Variants in TRPM3 observed in about 807,000 individuals in gnomAD.
TRPM3 encodes the protein transient receptor potential cation channel subfamily M member 3, also known as long transient receptor potential channel 3.
TRPM3 carries 77 observed loss-of-function variants against 181.2 expected under a neutral mutation model. The ratio of observed to expected loss-of-function variants is 0.42; its 90% confidence interval spans 0.35 to 0.51. TRPM3 has a LOEUF of 0.51. TRPM3 is among the 20% of genes least tolerant of loss of function. The pLI, the probability that TRPM3 is intolerant of heterozygous loss-of-function variation, is 0.01. For synonymous variants in TRPM3, 745 were observed against 796.4 expected, an observed-to-expected ratio of 0.94 and a Z score of 1.09; for missense variants, 1,759 against 2,196.7, an observed-to-expected ratio of 0.80 and a Z score of 3.98.
intron 1 of TRPM3, among the ~76,000 whole-genome samples, chr9:71,161,787 A>C (rs1350545327): frequency 6.6e-6 from 1 of 152,168 alleles, no homozygotes; most frequent in African/African-American, 2.4e-5. Flanking sequence ...ACCTATGTCA[A>C]AAGGAGAGTC....
At chr9:70,678,799 A>G (rs116612626) in intron 9 of TRPM3, among the ~76,000 whole-genome samples, 1,781 of 152,366 alleles carry the variant, frequency 0.012, 38 homozygotes, top group African/African-American at 0.04. Context: ...ATTCAAAAAA[A>G]GTAGGAAGAA....
At chr9:71,343,073 G>C (rs1225300063) in intron 1 of TRPM3, among the ~76,000 whole-genome samples, 1 of 151,986 alleles carries the variant, frequency 6.6e-6, no homozygotes, top group Non-Finnish European at 1.5e-5. Context: ...GAATTATATA[G>C]GTTTTCTATA....
chr9:70,642,722 T>A (rs1260966339), intron 9 of TRPM3, among the ~76,000 whole-genome samples: 1 of 152,368 alleles, frequency 6.6e-6, no homozygotes, highest in East Asian at 1.9e-4. Context: ...GGCTCTGAGA[T>A]ACTGACGTTA....
At chr9:70,893,951 G>A (rs10868925) in intron 1 of TRPM3, among the ~76,000 whole-genome samples, 114,339 of 152,068 alleles carry the variant, frequency 0.75, 43,173 homozygotes, top group Middle Eastern at 0.85. Flanking sequence ...ACTGGAAAAT[G>A]CCAAAAGTTA....
At chr9:71,222,582 C>G (rs2080304414) in intron 1 of TRPM3, among the ~76,000 whole-genome samples, 1 of 152,190 alleles carries the variant, frequency 6.6e-6, no homozygotes, top group Non-Finnish European at 1.5e-5. Flanking sequence ...CAAAAAAGCA[C>G]CCTTCTAAGA....
chr9:70,876,052 A>G (rs1224091192), intron 1 of TRPM3, among the ~76,000 whole-genome samples: 2 of 151,836 alleles, frequency 1.3e-5, no homozygotes, highest in Non-Finnish European at 2.9e-5. Context: ...AAGGGTAAAA[A>G]TATCATAAGC....
chr9:70,649,609 T>C (rs1324870954), intron 9 of TRPM3, among the ~76,000 whole-genome samples: 1 of 152,134 alleles, frequency 6.6e-6, no homozygotes, highest in Non-Finnish European at 1.5e-5. Flanking sequence ...TCTGAAGCCA[T>C]TCAGAATGGC....
Position 71,397,166 on chromosome 9 carries a change from T to C in TRPM3, c.183+49487A>G, listed in dbSNP as rs545661291. On this transcript the variant is annotated intron_variant, in intron 1 of 24. Transcript: ENST00000357533. ...GAATAAAACCATGGTTTTCCAATAA[T>C]AAAATATATTTCCATTTAGATAAAG... Among the ~76,000 whole-genome samples the C allele has an allele frequency of 3.1e-4, 47 of 152,256 alleles. 1 individual carries two copies. The highest frequency in any genetic ancestry group is 1.1e-3 in the African/African-American group (44 of 41,568).
intron 1 of TRPM3, among the ~76,000 whole-genome samples, chr9:71,334,814 A>T (rs536030100): frequency 6.6e-6 from 1 of 152,232 alleles, no homozygotes; most frequent in Admixed American, 6.5e-5. Context: ...TTTTTACAGT[A>T]ATGATGCTGG....
At chr9:71,268,925 T>G (rs2083581627) in intron 1 of TRPM3, among the ~76,000 whole-genome samples, 1 of 152,070 alleles carries the variant, frequency 6.6e-6, no homozygotes, top group Admixed American at 6.6e-5. Context: ...GAAATGTAAG[T>G]TCATGAGAGG....
intron 1 of TRPM3, among the ~76,000 whole-genome samples, chr9:71,133,590 G>A (rs770895320): frequency 8.3e-4 from 127 of 152,124 alleles, no homozygotes; most frequent in Non-Finnish European, 1.3e-3. Flanking sequence ...GAGCCACTGC[G>A]CCCGGCTGCT....
At chr9:71,253,449 C>G (rs984961656) in intron 1 of TRPM3, among the ~76,000 whole-genome samples, 1 of 152,096 alleles carries the variant, frequency 6.6e-6, no homozygotes, top group African/African-American at 2.4e-5. Context: ...ATGCTGCTAA[C>G]CATCATAACA....
intron 1 of TRPM3, among the ~76,000 whole-genome samples, chr9:71,069,684 C>T (rs1233523725): frequency 6.7e-6 from 1 of 149,708 alleles, no homozygotes. Flanking sequence ...TCTTGGCTCA[C>T]CACAACCTCT....
rs368195393 is a variant in TRPM3 at position 71,096,178 on chromosome 9, G to GA, written c.177+24999dup. Among the ~76,000 whole-genome samples, 342 of 150,356 alleles carry GA rather than the reference G, an allele frequency of 2.3e-3. 2 individuals are homozygous for GA. Among genetic ancestry groups the GA allele is most frequent in the African/African-American group, 8.1e-3 (332 of 40,860 alleles). ...CCATCTTAAAATAGACCAGTGATCA[G>GA]AAAAAAAATGTAAATTCAGAACAAT... is the stretch of plus-strand genomic sequence containing the variant. On this transcript the variant is annotated intron_variant, in intron 1 of 25. Transcript: ENST00000677713.
chr9:70,782,370 C>T (rs1216842558), intron 7 of TRPM3, among the ~76,000 whole-genome samples: 1 of 152,088 alleles, frequency 6.6e-6, no homozygotes. Flanking sequence ...TGCCACCACA[C>T]CTGGCTAATT....
At chr9:71,277,873 A>T (rs183474140) in intron 1 of TRPM3, among the ~76,000 whole-genome samples, 1 of 149,678 alleles carries the variant, frequency 6.7e-6, no homozygotes, top group East Asian at 1.9e-4. Context: ...AAGAGGATGC[A>T]GAGACAAAGT....
chr9:70,542,356 A>G (rs1323677718), intron 25 of TRPM3, among the ~76,000 whole-genome samples: 1 of 152,218 alleles, frequency 6.6e-6, no homozygotes, highest in Non-Finnish European at 1.5e-5. Flanking sequence ...AAGAGATGCT[A>G]TGAGAGGAAC....
chr9:71,428,654 C>A (rs573965809), intron 1 of TRPM3, among the ~76,000 whole-genome samples: 1 of 152,228 alleles, frequency 6.6e-6, no homozygotes, highest in South Asian at 2.1e-4. Context: ...ACTACTAATT[C>A]TGATGCTTCT....
At chr9:71,070,319 G>A (rs866916002) in intron 1 of TRPM3, among the ~76,000 whole-genome samples, 1 of 152,190 alleles carries the variant, frequency 6.6e-6, no homozygotes, top group Non-Finnish European at 1.5e-5. Context: ...CATGAATGAT[G>A]CATGCTGCAA....
Sources: gnomAD v4.1 joint callset for allele counts (sites outside exome capture counted in the v4.1 genomes callset) on GRCh38, gnomAD v4.1.1 for gene constraint, MANE v1.5 for transcripts, NCBI Gene and HGNC (gene_info 2026-07-23, HGNC 2026-07-21) for gene names.